Variants in CDH12 observed in about 807,000 individuals in gnomAD.
CDH12 encodes the protein cadherin-12.
CDH12 carries 41 observed loss-of-function variants against 74.1 expected under a neutral mutation model. The ratio of observed to expected loss-of-function variants is 0.55; its 90% CI spans 0.43 to 0.72. CDH12 has a LOEUF of 0.72. Ranked by LOEUF, CDH12 falls within the 30% of genes least tolerant of loss-of-function variation. CDH12 has a pLI of 0.00. For synonymous variants in CDH12, 399 were observed against 355.0 expected (o/e 1.12, Z -1.39); for missense variants, 945 against 977.2 (o/e 0.97, Z 0.44).
At chr5:22,321,501 G>T (rs10805739) in intron 3 of CDH12, among the ~76,000 whole-genome samples, 40,706 of 113,752 alleles carry the variant, frequency 0.36, 8,106 homozygotes, top group Admixed American at 0.48. Context: ...TTGTGGGGTG[G>T]GGGGAGGGGG....
At chr5:21,829,834 G>A (rs1276752714) in intron 8 of CDH12, among the ~76,000 whole-genome samples, 1 of 152,118 alleles carries the variant, frequency 6.6e-6, no homozygotes, top group Non-Finnish European at 1.5e-5. Context: ...AAAGTTATGT[G>A]TTTTTTAATC....
intron 2 of CDH12, among the ~76,000 whole-genome samples, chr5:22,459,895 G>A (rs191646058): frequency 6.6e-6 from 1 of 150,378 alleles, no homozygotes; most frequent in Non-Finnish European, 1.5e-5. Flanking sequence ...GAACCCAGGA[G>A]GCACGGAGGT....
At chr5:22,406,125 T>C (rs2126460448) in intron 2 of CDH12, among the ~76,000 whole-genome samples, 1 of 152,298 alleles carries the variant, frequency 6.6e-6, no homozygotes, top group Non-Finnish European at 1.5e-5. Context: ...AGAGGATAGA[T>C]TGTATTTATA....
At position 22,717,094 on chromosome 5, in the gene CDH12, G is replaced by A. The variant is rs144181779; in HGVS notation, c.-523+135964C>T. Among the ~76,000 whole-genome samples the A allele has an allele frequency of 1.0e-3, 153 of 152,162 alleles. 2 individuals carry two copies. Among genetic ancestry groups the A allele is most frequent in the African/African-American group, 3.5e-3 (147 of 41,526 alleles). ...AAGAAAAATGTTTTTGATAAATTTA[G>A]TGTAGCCCAAGCAGTGTTGATAAAG... On this transcript the variant is annotated intron_variant, in intron 1 of 14. Transcript: ENST00000382254.
rs964411904 is a variant in CDH12, at chr5:22,212,626, T to G, written c.-315A>C. 1.6e-5 allele frequency: 16 copies of G among 985,324 alleles called. No individual in the cohort carries two copies. The highest frequency in any genetic ancestry group is 1.8e-5 in the Non-Finnish European group (15 of 829,430). 61.0% of individuals were successfully genotyped at this position (985,324 alleles called of 1,614,324 possible). On this transcript the variant is annotated 5_prime_UTR_variant, in exon 4 of 15. Transcript: ENST00000382254. ...CATCCTGTGCTCCTTTTCCCTGTTA[T>G]GTTGAGCTCCTCACTGTCTAAGGAG... is the stretch of plus-strand genomic sequence containing the variant.
Position 21,842,311 on chromosome 5 carries a change from A to G in CDH12, c.664T>C (p.Leu222=), listed in dbSNP as rs368813593. ...TTGACTTCTCTGTCCATGTTTGGCA[A>G]AGCTGTTCTAATAACACCTTAAGGG... ...DPKTGVIRTA[L]PNMDREVKEQ... Residue 222 remains leucine (L), a synonymous_variant, in exon 8 of 15, where the codon TTG becomes CTG. Coordinates refer to ENST00000382254, the MANE Select transcript of CDH12 (RefSeq NM_004061.5). 1.2e-6 allele frequency: 2 copies of G among 1,610,508 alleles called. No individual in the cohort carries two copies. The highest frequency in any genetic ancestry group is 1.3e-5 in the African/African-American group (1 of 74,918).
At chr5:22,330,605 G>T (rs1230569432) in intron 3 of CDH12, among the ~76,000 whole-genome samples, 1 of 151,906 alleles carries the variant, frequency 6.6e-6, no homozygotes, top group African/African-American at 2.4e-5. Context: ...ACAAAAATTA[G>T]CTAGGCATGG....
At chr5:22,603,350 TC>T (rs1388073860) in intron 1 of CDH12, among the ~76,000 whole-genome samples, 1 of 152,214 alleles carries the variant, frequency 6.6e-6, no homozygotes, top group Non-Finnish European at 1.5e-5. Context: ...ATGTTAAGTT[TC>T]AGATAAGCAA....
chr5:22,329,005 A>G (rs1739238520), intron 3 of CDH12, among the ~76,000 whole-genome samples: 1 of 152,194 alleles, frequency 6.6e-6, no homozygotes, highest in Non-Finnish European at 1.5e-5. Context: ...AATCCTAGAA[A>G]GGCAAAATAA....
At chr5:22,437,455 C>T (rs1231717201) in intron 2 of CDH12, among the ~76,000 whole-genome samples, 9 of 151,106 alleles carry the variant, frequency 6.0e-5, no homozygotes, top group Non-Finnish European at 1.3e-4. Flanking sequence ...TTAGCGGCCA[C>T]ATTACAACAA....
intron 11 of CDH12, among the ~76,000 whole-genome samples, chr5:21,767,937 C>T (rs1745116947): frequency 6.6e-6 from 1 of 151,548 alleles, no homozygotes; most frequent in African/African-American, 2.4e-5. Context: ...ATATATTGTA[C>T]TAAATTATTT....
At chr5:22,767,319 A>G (rs1204851451) in intron 1 of CDH12, among the ~76,000 whole-genome samples, 1 of 152,054 alleles carries the variant, frequency 6.6e-6, no homozygotes, top group Non-Finnish European at 1.5e-5. Flanking sequence ...TTGGATATAA[A>G]CATTATATTA....
chr5:22,030,005 T>C (rs1288136218), intron 5 of CDH12, among the ~76,000 whole-genome samples: 1 of 149,790 alleles, frequency 6.7e-6, no homozygotes, highest in Non-Finnish European at 1.5e-5. Context: ...CAGTAAACTA[T>C]CGCAAGGACA....
intron 1 of CDH12, among the ~76,000 whole-genome samples, chr5:22,597,466 C>A (rs1243781813): frequency 6.6e-6 from 1 of 152,140 alleles, no homozygotes; most frequent in Non-Finnish European, 1.5e-5. Context: ...ATATCTAAAT[C>A]TTTGCATCTC....
At chr5:22,038,322 C>T (rs771537922) in intron 5 of CDH12, among the ~76,000 whole-genome samples, 1 of 152,112 alleles carries the variant, frequency 6.6e-6, no homozygotes, top group Admixed American at 6.5e-5. Flanking sequence ...CTGGAGCCAC[C>T]CCACTCCCAG....
chr5:22,556,883 T>A (rs1170452339), intron 1 of CDH12, among the ~76,000 whole-genome samples: 1 of 152,038 alleles, frequency 6.6e-6, no homozygotes, highest in African/African-American at 2.4e-5. Context: ...CATATAATCA[T>A]GAAGAAAGAC....
At chr5:22,818,313 T>C (rs1198573293) in intron 1 of CDH12, among the ~76,000 whole-genome samples, 1 of 152,176 alleles carries the variant, frequency 6.6e-6, no homozygotes, top group Non-Finnish European at 1.5e-5. Flanking sequence ...TGCTCTATCA[T>C]GCTTTTCCCT....
intron 1 of CDH12, among the ~76,000 whole-genome samples, chr5:22,707,225 G>A (rs576761926): frequency 6.6e-5 from 10 of 152,216 alleles, no homozygotes; most frequent in African/African-American, 1.9e-4. Context: ...TTTTCATGTT[G>A]AACATACAGA....
At chr5:22,048,600 A>G (rs1278265692) in intron 5 of CDH12, among the ~76,000 whole-genome samples, 1 of 152,180 alleles carries the variant, frequency 6.6e-6, no homozygotes, top group African/African-American at 2.4e-5. Flanking sequence ...AAAGGAAAAA[A>G]TATTAAGTTG....
Sources: allele counts gnomAD v4.1 joint callset (sites outside exome capture counted in the v4.1 genomes callset), GRCh38; gene constraint gnomAD v4.1.1; transcripts MANE v1.5; gene names NCBI Gene and HGNC (gene_info 2026-07-23, HGNC 2026-07-21).